Variants in PSMA3 observed in about 807,000 individuals in gnomAD.
PSMA3 encodes proteasome subunit alpha type-3.
PSMA3 carries 8 observed loss-of-function variants against 40.0 expected under a neutral mutation model. That is an observed-to-expected ratio of 0.20 (90% confidence interval 0.12 to 0.36). PSMA3 has a LOEUF of 0.36. PSMA3 is among the 10% of genes least tolerant of loss of function. PSMA3 has a pLI of 1.00. For missense variants in PSMA3, 219 were observed against 310.6 expected (o/e 0.70, Z 2.22); for synonymous variants, 110 against 100.0 (o/e 1.10, Z -0.59).
intron 3 of PSMA3, among the ~76,000 whole-genome samples, chr14:58,254,333 C>CATGTATATATATATATATATAT (rs1890090377): frequency 4.2e-5 from 1 of 23,798 alleles, no homozygotes; most frequent in Non-Finnish European, 8.3e-5. Context: ...ATTATGCATG[C>CATGTATATATATATATATATAT]ATATATATAT....
intron 3 of PSMA3, among the ~76,000 whole-genome samples, chr14:58,253,862 G>A (rs1401558862): frequency 6.6e-6 from 1 of 152,208 alleles, no homozygotes; most frequent in African/African-American, 2.4e-5. Flanking sequence ...CCAAAGTGCT[G>A]GGATTATAGG....
chr14:58,249,309 C>A (rs1286820295), intron 2 of PSMA3, among the ~76,000 whole-genome samples: 1 of 151,930 alleles, frequency 6.6e-6, no homozygotes, highest in Admixed American at 6.6e-5. Flanking sequence ...TGATACTACA[C>A]CCAAAGTGAA....
chr14:58,271,615 A>ACT (rs1316984708), intron 10 of PSMA3, among the ~76,000 whole-genome samples: 1 of 152,172 alleles, frequency 6.6e-6, no homozygotes, highest in Non-Finnish European at 1.5e-5. Flanking sequence ...GATTACAGGC[A>ACT]TGAACACTGC....
Position 58,247,746 on chromosome 14 carries a change from T to A in PSMA3, c.22-4T>A. 1 of 1,586,258 alleles carries A rather than the reference T, an allele frequency of 6.3e-7. No individual in the cohort carries two copies. The highest frequency in any genetic ancestry group is 8.6e-7 in the Non-Finnish European group (1 of 1,158,436). On this transcript the variant is annotated splice_polypyrimidine_tract_variant and splice_region_variant and intron_variant, in intron 1 of 10. Coordinates refer to ENST00000216455, the MANE Select transcript of PSMA3 (RefSeq NM_002788.4). ...AAGCTTACTGTTGCCCTTTTCTCCT[T>A]AAGTATGACCTGTCAGCCTCTACAT... is the stretch of plus-strand genomic sequence containing the variant.
chr14:58,270,264 T>C (rs1890576012), intron 8 of PSMA3, 154 bp from the exon 9 acceptor site: 1 of 1,074,930 alleles, frequency 9.3e-7, no homozygotes, highest in Non-Finnish European at 1.3e-6. Flanking sequence ...TAATTTGTCT[T>C]CTCTAATGTT....
chr14:58,270,296 T>TA, intron 8 of PSMA3, 122 bp from the exon 9 acceptor site: 1 of 1,350,990 alleles, frequency 7.4e-7, no homozygotes. Flanking sequence ...AGAATGTGTC[T>TA]GTGTAATTTT....
chr14:58,249,518 T>C (rs912246458), intron 2 of PSMA3, among the ~76,000 whole-genome samples: 5 of 151,912 alleles, frequency 3.3e-5, no homozygotes, highest in African/African-American at 1.2e-4. Flanking sequence ...AAAAAAACTT[T>C]TTTTGGGGGC....
At chr14:58,245,331 G>A (rs1889855903) in intron 1 of PSMA3, 1 of 232,846 alleles carries the variant, frequency 4.3e-6, no homozygotes, top group Admixed American at 4.9e-5. Context: ...TGGAGATCGT[G>A]CTTTTTGTGG....
intron 3 of PSMA3, among the ~76,000 whole-genome samples, chr14:58,254,812 A>G (rs1396962241): frequency 6.6e-6 from 1 of 152,148 alleles, no homozygotes; most frequent in Non-Finnish European, 1.5e-5. Context: ...TGGGGAAGCT[A>G]TTCTAAACAC....
At chr14:58,251,992 G>A in intron 2 of PSMA3, 127 bp from the exon 3 acceptor site, 1 of 894,258 alleles carries the variant, frequency 1.1e-6, no homozygotes, top group South Asian at 2.0e-5. Flanking sequence ...TCTCTTCCTG[G>A]TTTTCAAATG....
rs752357674 is a variant in PSMA3, at chr14:58,257,936, C to T, written c.342C>T (p.Asp114=). Residue 114 remains aspartate (D), a synonymous_variant, in exon 5 of 11, where the codon GAC becomes GAT. Transcript: ENST00000216455. ...GYNIPLKHLA[D]RVAMYVHAYT... ...GCTTCCCTCCATAGCATCTTGCAGACAGAGTGGCCATGTATGTGCATGCAT... is the reference window on the plus strand; with the variant it reads ...GCTTCCCTCCATAGCATCTTGCAGATAGAGTGGCCATGTATGTGCATGCAT... 6 of 1,613,832 alleles carry T rather than the reference C, an allele frequency of 3.7e-6. 1 individual carries two copies. Among genetic ancestry groups the T allele is most frequent in the Non-Finnish European group, 5.1e-6 (6 of 1,179,748 alleles).
chr14:58,264,968 T>C (rs1045827702), intron 7 of PSMA3: 7 of 152,316 alleles, frequency 4.6e-5, no homozygotes, highest in African/African-American at 1.2e-4. Context: ...ATTTGAAAAT[T>C]AGAATATTTA....
rs571422518 is a variant in PSMA3 at position 58,253,960 on chromosome 14, G to T, written c.228+1718G>T. The stretch of plus-strand genomic sequence containing the variant: ...TGTATATATACATTTTCTTTTTACT[G>T]TTTTTTTGTTGTTGTTGTTGTACAG... On this transcript the variant is annotated intron_variant, in intron 3 of 10. Coordinates refer to ENST00000216455, the MANE Select transcript of PSMA3 (RefSeq NM_002788.4). Among the ~76,000 whole-genome samples, 46 of 152,006 alleles carry T rather than the reference G, an allele frequency of 3.0e-4. 1 individual carries two copies. Among genetic ancestry groups the T allele is most frequent in the African/African-American group, 1.1e-3 (45 of 41,492 alleles).
At chr14:58,256,789 A>T (rs1890154281) in intron 3 of PSMA3, among the ~76,000 whole-genome samples, 1 of 152,072 alleles carries the variant, frequency 6.6e-6, no homozygotes, top group African/African-American at 2.4e-5. Context: ...AGATTTTTGG[A>T]TTAGATATCC....
intron 3 of PSMA3, among the ~76,000 whole-genome samples, chr14:58,253,310 A>G (rs1177333922): frequency 6.6e-6 from 1 of 152,080 alleles, no homozygotes; most frequent in African/African-American, 2.4e-5. Context: ...TCACAGGTGA[A>G]AAAACAGATG....
chr14:58,254,522 G>C (rs1205607794), intron 3 of PSMA3, among the ~76,000 whole-genome samples: 1 of 150,690 alleles, frequency 6.6e-6, no homozygotes, highest in Non-Finnish European at 1.5e-5. Context: ...TTTTTTAAGA[G>C]ATATGATCTT....
At chr14:58,257,616 T>G in intron 3 of PSMA3, 129 bp from the exon 4 acceptor site, 1 of 743,268 alleles carries the variant, frequency 1.3e-6, no homozygotes, top group Non-Finnish European at 2.2e-6. Context: ...TAGAGAGACC[T>G]TTAAGCCAAA....
intron 2 of PSMA3, 76 bp from the exon 3 acceptor site, chr14:58,252,043 T>G: frequency 6.8e-7 from 1 of 1,466,924 alleles, no homozygotes. Context: ...ACTTATTTTG[T>G]TTTTTTGTTA....
chr14:58,263,044 G>A (rs2004312), intron 6 of PSMA3, among the ~76,000 whole-genome samples: 25,251 of 148,272 alleles, frequency 0.17, 2,549 homozygotes, highest in African/African-American at 0.28. Context: ...GTGCAGTGGC[G>A]CGGTCTCAGC....
Sources: allele counts gnomAD v4.1 joint callset (sites outside exome capture counted in the v4.1 genomes callset), GRCh38; gene constraint gnomAD v4.1.1; transcripts MANE v1.5; gene names NCBI Gene and HGNC (gene_info 2026-07-23, HGNC 2026-07-21).